CLPTM1: variants seen among roughly 807,000 people sequenced by gnomAD.
The protein encoded by CLPTM1 is CLPTM1 regulator of GABA type A receptor forward trafficking.
Under a neutral mutation model 77.3 loss-of-function variants are expected in CLPTM1, and 21 were observed. That is an observed-to-expected ratio of 0.27 (90% CI 0.19 to 0.39). CLPTM1 has a LOEUF of 0.39. CLPTM1 is among the 10% of genes least tolerant of loss of function. CLPTM1 has a pLI of 1.00. For missense variants in CLPTM1, 642 were observed against 921.2 expected, an observed-to-expected ratio of 0.70 and a Z score of 3.92; for synonymous variants, 373 against 381.0, an observed-to-expected ratio of 0.98 and a Z score of 0.24.
At chr19:44,984,302 G>A (rs576838723) in intron 5 of CLPTM1, 5 of 152,458 alleles carry the variant, frequency 3.3e-5, no homozygotes, top group African/African-American at 1.2e-4. Flanking sequence ...TCCGCACAGA[G>A]TTTGCAGACT....
At chr19:44,984,012 A>G (rs1018896008) in intron 5 of CLPTM1, among the ~76,000 whole-genome samples, 14 of 152,346 alleles carry the variant, frequency 9.2e-5, no homozygotes, top group African/African-American at 2.9e-4. Context: ...TGGGAGATGG[A>G]GCGTGGGCAC....
At position 44,991,333 on chromosome 19, in the gene CLPTM1, C is replaced by G. The variant is rs942946052; in HGVS notation, c.1515C>G (p.Ser505=). The change falls in exon 12 of 14, where the codon TCC becomes TCG. Residue 505 remains serine, a synonymous_variant. Coordinates refer to ENST00000337392, the MANE Select transcript of CLPTM1 (RefSeq NM_001294.4). This position sits in a 1 kb window ranked among gnomAD's most constrained non-coding sequence, Gnocchi z 5.4. ...LLYLEHKGWY[S]WVLSMLYGFL... The stretch of plus-strand genomic sequence containing the variant: ...ACCTGGAGCACAAGGGCTGGTACTC[C>G]TGGGTGCTCAGCATGCTCTACGGCT... The G allele has an allele frequency of 1.2e-6, 2 of 1,613,934 alleles. No individual in the cohort carries two copies. The highest frequency in any genetic ancestry group is 1.7e-5 in the Admixed American group (1 of 60,016).
At chr19:44,979,021 C>T (rs1169278132) in intron 5 of CLPTM1, among the ~76,000 whole-genome samples, 1 of 150,220 alleles carries the variant, frequency 6.7e-6, no homozygotes, top group African/African-American at 2.5e-5. Flanking sequence ...CACTATGTCG[C>T]CCAGGCTGGA....
intron 4 of CLPTM1, among the ~76,000 whole-genome samples, chr19:44,976,170 C>T (rs1274848571): frequency 6.6e-6 from 1 of 152,204 alleles, no homozygotes; most frequent in African/African-American, 2.4e-5. Flanking sequence ...TTCTGACCTG[C>T]ACTGAGAGGT....
intron 5 of CLPTM1, among the ~76,000 whole-genome samples, chr19:44,982,446 ACC>A (rs1036130611): frequency 2.1e-4 from 32 of 152,120 alleles, no homozygotes; most frequent in African/African-American, 7.7e-4. Flanking sequence ...GTGGCCAGCA[ACC>A]CTGATACTGG....
chr19:44,956,247 C>G (rs982086300), intron 1 of CLPTM1, among the ~76,000 whole-genome samples: 3 of 152,038 alleles, frequency 2.0e-5, no homozygotes, highest in Admixed American at 6.6e-5. Flanking sequence ...GAAAGGAGTG[C>G]GGGTTGAGAG....
chr19:44,971,961 C>T (rs1970725501), intron 2 of CLPTM1, among the ~76,000 whole-genome samples: 5 of 149,368 alleles, frequency 3.3e-5, no homozygotes, highest in Admixed American at 2.0e-4. Context: ...ACCTACGCCT[C>T]CCGGGTTCAA....
At chr19:44,969,871 A>G (rs1359626253) in intron 2 of CLPTM1, among the ~76,000 whole-genome samples, 1 of 149,972 alleles carries the variant, frequency 6.7e-6, no homozygotes, top group Non-Finnish European at 1.5e-5. Flanking sequence ...TATTTTTAGT[A>G]GAGATGGGGT....
At chr19:44,955,029 AAGAATCGGCAGGG>A (rs1970435471), upstream of CLPTM1, 29 of 1,535,754 alleles carry the variant, frequency 1.9e-5, no homozygotes, top group Non-Finnish European at 2.4e-5. Flanking sequence ...AAAGGACGCG[AAGAATCGGCAGGG>A]AGAAGCGGAC....
In CLPTM1 at chr19:44,974,600, G is replaced by C. The variant is rs757701159; in HGVS notation, c.468+3G>C. The C allele has an allele frequency of 1.9e-6, 3 of 1,612,822 alleles. No individual in the cohort carries two copies. Among genetic ancestry groups the C allele is most frequent in the African/African-American group, 1.3e-5 (1 of 74,998 alleles). On this transcript the variant is annotated splice_donor_region_variant and intron_variant, in intron 4 of 13. Transcript: ENST00000337392. ...TTGCTGAGCTCGATATCCCACAGGT[G>C]GGGGCAGCTCTCGGTTTCTGGCCCC...
At position 44,955,731 on chromosome 19, in the gene CLPTM1, G is replaced by A. The variant is rs1970453185; in HGVS notation, c.72+264G>A. The stretch of plus-strand genomic sequence containing the variant: ...CTCGATCCGGGGAGACAGTGGCTCG[G>A]AGGGGCGCAGGCTTGTACCTTGGCG... On this transcript the variant is annotated intron_variant, in intron 1 of 13. Coordinates refer to ENST00000337392, the MANE Select transcript of CLPTM1 (RefSeq NM_001294.4). 8.1e-6 allele frequency: 3 copies of A among 369,550 alleles called. No individual in the cohort carries two copies. The East Asian group carries it at 1.2e-4, about 14-fold the overall frequency. 22.9% of individuals were successfully genotyped at this position (369,550 alleles called of 1,614,324 possible).
In CLPTM1 at chr19:44,974,512, A is replaced by T; in HGVS notation, c.383A>T (p.Gln128Leu). The change falls in exon 4 of 14, where the codon CAG (glutamine) becomes CTG (leucine). Residue 128 changes from glutamine to leucine, a missense_variant. Coordinates refer to ENST00000337392, the MANE Select transcript of CLPTM1 (RefSeq NM_001294.4). ...GCCACGTCGGCACTCTTCTGGGAACAGCACGATCTTGTGTATGGCGACTGG... is the reference window on the plus strand; with the variant it reads ...GCCACGTCGGCACTCTTCTGGGAACTGCACGATCTTGTGTATGGCGACTGG... ...FNATSALFWEQHDLVYGDWTS... is the reference protein window; with the variant it reads ...FNATSALFWELHDLVYGDWTS... The T allele has an allele frequency of 3.7e-6, 6 of 1,614,200 alleles. No homozygotes were observed. Among genetic ancestry groups the T allele is most frequent in the Non-Finnish European group, 5.1e-6 (6 of 1,180,042 alleles).
chr19:44,957,336 T>G (rs1011747431), intron 1 of CLPTM1, among the ~76,000 whole-genome samples: 4 of 152,256 alleles, frequency 2.6e-5, no homozygotes, highest in African/African-American at 9.6e-5. Flanking sequence ...CTACTGGGTT[T>G]CACTGTCTGG....
chr19:44,967,955 T>C (rs1970660686), intron 2 of CLPTM1, among the ~76,000 whole-genome samples: 1 of 152,260 alleles, frequency 6.6e-6, no homozygotes, highest in Non-Finnish European at 1.5e-5. Flanking sequence ...CTTCTTTTTT[T>C]TCATGCTGCA....
At chr19:44,962,181 G>A (rs770158266) in intron 2 of CLPTM1, 106 bp downstream of exon 2, 16 of 532,662 alleles carry the variant, frequency 3.0e-5, no homozygotes, top group Non-Finnish European at 4.4e-5. Flanking sequence ...TTACTGTATG[G>A]TAGAGTTGCT....
intron 3 of CLPTM1, 149 bp downstream of exon 3, chr19:44,973,359 C>A: frequency 1.0e-6 from 1 of 994,786 alleles, no homozygotes; most frequent in Non-Finnish European, 1.5e-6. Flanking sequence ...AACTCTGGGC[C>A]CATCCCCAAC....
At chr19:44,986,334 GA>G (rs981948507) in intron 6 of CLPTM1, 120 bp from the exon 7 acceptor site, 18 of 1,348,870 alleles carry the variant, frequency 1.3e-5, no homozygotes, top group East Asian at 1.2e-4. Flanking sequence ...CCCCATCTCA[GA>G]AAAAAAAGAA....
chr19:44,955,105 C>G (rs1347384653), upstream of CLPTM1: 5 of 1,535,492 alleles, frequency 3.3e-6, no homozygotes, highest in Admixed American at 2.0e-5. Context: ...TGTGAAGGGA[C>G]GGAAGGGACA....
rs539141611 is a variant in CLPTM1, at chr19:44,991,402, G to T, written c.1555+29G>T. 3 of 1,604,826 alleles carry T rather than the reference G, an allele frequency of 1.9e-6. No individual in the cohort carries two copies. Among genetic ancestry groups the T allele is most frequent in the Non-Finnish European group, 2.5e-6 (3 of 1,178,734 alleles). ...AGCGGTCCGGCCGCCCCAGGAGAGA[G>T]CAGGCCCCATGCTGCGCAGGGCTCA... On this transcript the variant is annotated intron_variant, in intron 12 of 13. Transcript: ENST00000337392. The surrounding 1 kb of genome is among the most constrained non-coding windows in gnomAD (Gnocchi z 5.4).
Sources: gnomAD v4.1 joint callset for allele counts (sites outside exome capture counted in the v4.1 genomes callset) on GRCh38, gnomAD v4.1.1 for gene constraint, Gnocchi (gnomAD v3.1) non-coding constraint, MANE v1.5 for transcripts, NCBI Gene and HGNC (gene_info 2026-07-23, HGNC 2026-07-21) for gene names.